The following SORCS2 variants were observed in gnomAD, a reference collection of about 807,000 sequenced individuals.
SORCS2 encodes VPS10 domain-containing receptor SorCS2.
A neutral mutation model predicts 141.6 loss-of-function variants in SORCS2; 100 were observed. That is an observed-to-expected ratio of 0.71 (90% CI 0.60 to 0.83). The LOEUF is 0.83. Ranked by LOEUF, SORCS2 falls within the 40% of genes least tolerant of loss-of-function variation. The pLI, the probability that SORCS2 is intolerant of heterozygous loss-of-function variation, is 0.00. For synonymous variants in SORCS2, 789 were observed against 676.9 expected (o/e 1.17, Z -2.57); for missense variants, 1,646 against 1,560.2 (o/e 1.05, Z -0.93).
chr4:7,272,786 G>T (rs1230672136), intron 1 of SORCS2, among the ~76,000 whole-genome samples: 1 of 152,256 alleles, frequency 6.6e-6, no homozygotes, highest in Non-Finnish European at 1.5e-5. Context: ...CAGGGCGTAA[G>T]CTGAACTCTG....
intron 3 of SORCS2, among the ~76,000 whole-genome samples, chr4:7,549,791 G>A (rs1246189981): frequency 6.6e-6 from 1 of 152,168 alleles, no homozygotes; most frequent in Non-Finnish European, 1.5e-5. Context: ...TTGGGGACCA[G>A]CACCGTATCT....
At chr4:7,382,304 C>T (rs2109072076) in intron 1 of SORCS2, among the ~76,000 whole-genome samples, 1 of 152,264 alleles carries the variant, frequency 6.6e-6, no homozygotes, top group South Asian at 2.1e-4. Flanking sequence ...ATGTTTGAGC[C>T]TGGGAGTGAC....
At chr4:7,375,981 G>T (rs1722618904) in intron 1 of SORCS2, among the ~76,000 whole-genome samples, 1 of 152,218 alleles carries the variant, frequency 6.6e-6, no homozygotes, top group Non-Finnish European at 1.5e-5. Context: ...ATTAAATGAG[G>T]TGAATGCTTA....
In SORCS2 at chr4:7,675,940, AG is replaced by A. The variant is rs1009820110; in HGVS notation, c.1162-108del. The A allele has an allele frequency of 5.1e-5, 65 of 1,269,510 alleles. No homozygotes were observed. In the African/African-American group the frequency reaches 8.6e-4, roughly 17 times the overall value. 78.6% of individuals were successfully genotyped at this position (1,269,510 alleles called of 1,614,324 possible). On this transcript the variant is annotated intron_variant, in intron 8 of 26. Transcript: ENST00000507866. ...GGCAAACCTAGGCCAGGCTGGCTCC[AG>A]GAGAGCCAGGGGTCTTCTGCACCCT...
At chr4:7,721,694 C>A (rs2109057216) in intron 18 of SORCS2, among the ~76,000 whole-genome samples, 1 of 152,308 alleles carries the variant, frequency 6.6e-6, no homozygotes, top group African/African-American at 2.4e-5. Context: ...GGTGTGTCTG[C>A]AAAGGGCACC....
At chr4:7,234,353 AAGTTT>A (rs1280366889) in intron 1 of SORCS2, among the ~76,000 whole-genome samples, 4 of 152,178 alleles carry the variant, frequency 2.6e-5, no homozygotes, top group Admixed American at 1.3e-4. Context: ...GTTCTCCCAG[AAGTTT>A]CCAGTCATTG....
At chr4:7,311,534 A>G (rs1232667679) in intron 1 of SORCS2, among the ~76,000 whole-genome samples, 1 of 152,192 alleles carries the variant, frequency 6.6e-6, no homozygotes, top group East Asian at 1.9e-4. Context: ...TGGGAGTCTC[A>G]ATTCCTCTGT....
At chr4:7,423,666 C>G (rs1041316313) in intron 2 of SORCS2, among the ~76,000 whole-genome samples, 1 of 152,192 alleles carries the variant, frequency 6.6e-6, no homozygotes, top group South Asian at 2.1e-4. Context: ...CCAGGACCAG[C>G]CCTACCCTGG....
At chr4:7,535,194 G>A (rs55675539) in intron 3 of SORCS2, among the ~76,000 whole-genome samples, 3,470 of 152,244 alleles carry the variant, frequency 0.023, 53 homozygotes, top group African/African-American at 0.049. Context: ...ATCTCTCTCC[G>A]GAAGGCCATG....
chr4:7,409,610 G>A (rs1725178753), intron 2 of SORCS2, among the ~76,000 whole-genome samples: 1 of 152,198 alleles, frequency 6.6e-6, no homozygotes, highest in Non-Finnish European at 1.5e-5. Context: ...TGGGGAAGCT[G>A]GTTGTCCACC....
rs60884163 is a variant in SORCS2 at position 7,373,458 on chromosome 4, T to TATATATATATATATATATATATATA, written c.481-22830_481-22829insATATATATATATATATATATATATA. On this transcript the variant is annotated intron_variant, in intron 1 of 26. Transcript: ENST00000507866. ...TGTTGTATTGAATTGTGAGAAACTT[T>TATATATATATATATATATATATATA]TATATATATATATATATATATTTTT... 1.3e-3 allele frequency among the ~76,000 whole-genome samples: 106 copies of TATATATATATATATATATATATATA among 82,712 alleles called. 24 individuals are homozygous for TATATATATATATATATATATATATA. Among genetic ancestry groups the TATATATATATATATATATATATATA allele is most frequent in the East Asian group, 0.012 (20 of 1,612 alleles). 54.3% of individuals were successfully genotyped at this position (82,712 alleles called of 152,430 possible). A position where few individuals can be genotyped will look rare whatever the true frequency, so the allele number is the denominator to read the frequency against.
At chr4:7,500,597 C>T (rs112278619) in intron 2 of SORCS2, among the ~76,000 whole-genome samples, 15 of 149,160 alleles carry the variant, frequency 1.0e-4, no homozygotes, top group African/African-American at 3.9e-4. Flanking sequence ...ACCAGTGTGC[C>T]GGCTGGAGAA....
At chr4:7,641,777 A>AATGCATGG (rs879872262) in intron 4 of SORCS2, among the ~76,000 whole-genome samples, 3 of 78,950 alleles carry the variant, frequency 3.8e-5, no homozygotes, top group Admixed American at 1.5e-4. Flanking sequence ...TGGATGGATA[A>AATGCATGG]ATGGATGGAT....
intron 2 of SORCS2, among the ~76,000 whole-genome samples, chr4:7,417,021 G>A (rs142687712): frequency 6.6e-6 from 1 of 152,156 alleles, no homozygotes; most frequent in Non-Finnish European, 1.5e-5. Flanking sequence ...CCTGCTCTTT[G>A]CATTAAAGTG....
chr4:7,429,356 T>C (rs1245573225), intron 2 of SORCS2, among the ~76,000 whole-genome samples: 1 of 152,154 alleles, frequency 6.6e-6, no homozygotes, highest in Non-Finnish European at 1.5e-5. Context: ...GGCATCAGCA[T>C]TTGGCTAATT....
intron 20 of SORCS2, 75 bp downstream of exon 20, chr4:7,725,362 G>A: frequency 6.6e-7 from 1 of 1,524,938 alleles, no homozygotes; most frequent in Middle Eastern, 1.7e-4. Context: ...GCAGAGCATG[G>A]CCCCAGGTTT....
At chr4:7,226,338 C>T (rs764519234) in intron 1 of SORCS2, among the ~76,000 whole-genome samples, 33 of 152,206 alleles carry the variant, frequency 2.2e-4, no homozygotes, top group Non-Finnish European at 4.1e-4. Context: ...CTGGGCCTGT[C>T]TGACCTCAAG....
chr4:7,740,459 G>A lies in SORCS2; in HGVS notation c.*195G>A, dbSNP rs1024108904. ...ACGGGGGGCCCACGGGACCCCCCGG[G>A]ACTCCCCGGACATGGCCCTGCCCCT... On this transcript the variant is annotated 3_prime_UTR_variant, in exon 27 of 27. Transcript: ENST00000507866. 1.9e-5 allele frequency: 11 copies of A among 592,546 alleles called. No homozygotes were observed. The East Asian group carries it at 2.2e-4, about 12-fold the overall frequency. 36.7% of individuals were successfully genotyped at this position (592,546 alleles called of 1,614,324 possible). A position where few individuals can be genotyped will look rare whatever the true frequency, so the allele number is the denominator to read the frequency against.
intron 1 of SORCS2, among the ~76,000 whole-genome samples, chr4:7,225,173 G>T (rs1367687370): frequency 1.3e-5 from 2 of 152,182 alleles, no homozygotes; most frequent in African/African-American, 2.4e-5. Flanking sequence ...GTGCTGTGCT[G>T]CACACACATT....
Sources: allele counts gnomAD v4.1 joint callset (sites outside exome capture counted in the v4.1 genomes callset), GRCh38; gene constraint gnomAD v4.1.1; transcripts MANE v1.5; gene names NCBI Gene and HGNC (gene_info 2026-07-23, HGNC 2026-07-21).